Variants in VPS13B observed in about 807,000 individuals in gnomAD.
The protein encoded by VPS13B is intermembrane lipid transfer protein VPS13B.
A neutral mutation model predicts 426.4 loss-of-function variants in VPS13B; 285 were observed. The ratio of observed to expected loss-of-function variants is 0.67; its 90% CI spans 0.61 to 0.74. The LOEUF is 0.74. Ranked by LOEUF, VPS13B falls within the 30% of genes least tolerant of loss-of-function variation. The pLI is 0.00. For missense variants in VPS13B, 4,537 were observed against 4,782.6 expected, an observed-to-expected ratio of 0.95 and a Z score of 1.51; for synonymous variants, 1,676 against 1,676.4, an observed-to-expected ratio of 1.00 and a Z score of 0.01.
At chr8:99,093,370 T>C (rs879880983) in intron 3 of VPS13B, among the ~76,000 whole-genome samples, 1 of 151,618 alleles carries the variant, frequency 6.6e-6, no homozygotes, top group South Asian at 2.1e-4. Flanking sequence ...TTTTTTTAAA[T>C]TTTTTTTATT....
intron 4 of VPS13B, among the ~76,000 whole-genome samples, chr8:99,098,779 T>TC (rs1340341998): frequency 6.6e-6 from 1 of 152,158 alleles, no homozygotes; most frequent in Non-Finnish European, 1.5e-5. Flanking sequence ...AAAAAATCTC[T>TC]TAAAACTTTT....
chr8:99,215,887 C>T (rs560728671), intron 17 of VPS13B, among the ~76,000 whole-genome samples: 1 of 152,322 alleles, frequency 6.6e-6, no homozygotes, highest in East Asian at 1.9e-4. Context: ...CTTCACCAGT[C>T]AAGGTCCAGC....
In VPS13B at chr8:99,669,396, C is replaced by T. The variant is rs185036519; in HGVS notation, c.6046+7905C>T. On this transcript the variant is annotated intron_variant, in intron 35 of 61. Coordinates refer to ENST00000357162, the MANE Select transcript of VPS13B (RefSeq NM_152564.5). ...TGGTATTTTTTTCATTGTTCTTTCA[C>T]GAATTTTTGAGCCACTGTCATTGTA... Among the ~76,000 whole-genome samples the T allele has an allele frequency of 2.3e-4, 35 of 151,868 alleles. No homozygotes were observed. The East Asian group carries it at 6.2e-3, about 27-fold the overall frequency.
At chr8:99,590,007 A>G (rs1826529815) in intron 33 of VPS13B, among the ~76,000 whole-genome samples, 2 of 152,124 alleles carry the variant, frequency 1.3e-5, no homozygotes, top group African/African-American at 4.8e-5. Context: ...TACTGCCTCA[A>G]TTTCAGAGCC....
intron 2 of VPS13B, among the ~76,000 whole-genome samples, chr8:99,032,239 C>T (rs1002013955): frequency 3.9e-5 from 6 of 152,120 alleles, no homozygotes; most frequent in Non-Finnish European, 8.8e-5. Context: ...CATTGTTCTC[C>T]CATAGACACT....
chr8:99,628,012 A>G (rs1365447803), intron 33 of VPS13B, among the ~76,000 whole-genome samples: 1 of 152,222 alleles, frequency 6.6e-6, no homozygotes, highest in African/African-American at 2.4e-5. Context: ...TCTGGAAACA[A>G]TGAGATCCAG....
chr8:99,355,411 T>C (rs1812127329), intron 19 of VPS13B, among the ~76,000 whole-genome samples: 1 of 152,092 alleles, frequency 6.6e-6, no homozygotes. Context: ...GCCAACATGG[T>C]GAAACCCCGT....
At chr8:99,833,936 A>G (rs1815230073) in intron 52 of VPS13B, among the ~76,000 whole-genome samples, 1 of 152,236 alleles carries the variant, frequency 6.6e-6, no homozygotes, top group African/African-American at 2.4e-5. Context: ...TTATCGAAGA[A>G]CTATACTCTT....
In VPS13B at chr8:99,507,162, C is replaced by T; in HGVS notation, c.4183C>T (p.His1395Tyr). 1 of 1,613,924 alleles carries T rather than the reference C, an allele frequency of 6.2e-7. No homozygotes were observed. Among genetic ancestry groups the T allele is most frequent in the Non-Finnish European group, 8.5e-7 (1 of 1,179,906 alleles). ...GCCAGGGGAAGGTTGGCAGTCAGGA[C>T]ATTTTGAAGGAGTATTTCTACAATG... is the stretch of plus-strand genomic sequence containing the variant. ...SRPGEGWQSG[H>Y]FEGVFLQCKE... The change falls in exon 28 of 62, where the codon CAT (histidine) becomes TAT (tyrosine). Residue 1395 changes from histidine (H) to tyrosine (Y), a missense_variant. His to Tyr is a moderately conservative substitution (Grantham distance 83). Coordinates refer to ENST00000357162, the MANE Select transcript of VPS13B (RefSeq NM_152564.5).
At position 99,784,247 on chromosome 8, in the gene VPS13B, G is replaced by A; in HGVS notation, c.7780-68G>A. On this transcript the variant is annotated intron_variant, in intron 42 of 61. Coordinates refer to ENST00000357162, the MANE Select transcript of VPS13B (RefSeq NM_152564.5). ...TCTGTGTTGTAACAATCGCCACTGG[G>A]CAGACAGCTGCCAAACATCTTACAA... 8 of 1,604,140 alleles carry A rather than the reference G, an allele frequency of 5.0e-6. No homozygotes were observed. In the South Asian group the frequency reaches 8.8e-5, roughly 18 times the overall value.
At chr8:99,814,447 C>T (rs896104675) in intron 44 of VPS13B, among the ~76,000 whole-genome samples, 1 of 152,174 alleles carries the variant, frequency 6.6e-6, no homozygotes, top group Non-Finnish European at 1.5e-5. Context: ...GATTTGCCTG[C>T]CTGGTCTCAG....
intron 30 of VPS13B, chr8:99,536,996 T>G: frequency 1.2e-5 from 4 of 342,086 alleles, no homozygotes; most frequent in South Asian, 9.5e-5. Flanking sequence ...ATCTTGTCCT[T>G]CTGGTAAACC....
In VPS13B at chr8:99,211,794, G is replaced by C. The variant is rs548603957; in HGVS notation, c.2515+18737G>C. Among the ~76,000 whole-genome samples the C allele has an allele frequency of 3.3e-5, 5 of 152,296 alleles. No homozygotes were observed. The South Asian group carries it at 8.3e-4, about 25-fold the overall frequency. On this transcript the variant is annotated intron_variant, in intron 17 of 61. Coordinates refer to ENST00000357162, the MANE Select transcript of VPS13B (RefSeq NM_152564.5). ...AAAATTACTTATGCTTTCTGTAATA[G>C]ATGTTGTTGGTTCAGTACTTTTGTT...
intron 39 of VPS13B, among the ~76,000 whole-genome samples, chr8:99,725,905 A>G (rs535144994): frequency 6.6e-6 from 1 of 152,170 alleles, no homozygotes; most frequent in African/African-American, 2.4e-5. Flanking sequence ...AAATACAGAG[A>G]TATATTAATC....
At chr8:99,350,345 G>A (rs1262171618) in intron 19 of VPS13B, among the ~76,000 whole-genome samples, 1 of 152,196 alleles carries the variant, frequency 6.6e-6, no homozygotes, top group Non-Finnish European at 1.5e-5. Flanking sequence ...GGCAATACTG[G>A]TGTTAACAGG....
At chr8:99,518,693 T>C (rs1822219027) in intron 29 of VPS13B, among the ~76,000 whole-genome samples, 1 of 152,230 alleles carries the variant, frequency 6.6e-6, no homozygotes, top group African/African-American at 2.4e-5. Flanking sequence ...AATTCTGACG[T>C]TCTTTCCTTG....
chr8:99,468,819 A>G (rs1819247530), intron 24 of VPS13B, among the ~76,000 whole-genome samples: 1 of 152,162 alleles, frequency 6.6e-6, no homozygotes, highest in Admixed American at 6.6e-5. Context: ...GTGACAATTA[A>G]CTGTATTTTT....
intron 21 of VPS13B, among the ~76,000 whole-genome samples, chr8:99,409,564 A>G (rs556407101): frequency 9.1e-4 from 138 of 152,224 alleles, no homozygotes; most frequent in African/African-American, 3.2e-3. Flanking sequence ...TAGATATGTC[A>G]AATTAAATTA....
At chr8:99,116,052 G>T (rs1413275393) in intron 7 of VPS13B, among the ~76,000 whole-genome samples, 178 bp downstream of exon 7, 5 of 152,118 alleles carry the variant, frequency 3.3e-5, no homozygotes, top group African/African-American at 1.2e-4. Flanking sequence ...TTTTGAGATG[G>T]AGACTAGCTC....
Sources: allele counts gnomAD v4.1 joint callset (sites outside exome capture counted in the v4.1 genomes callset), GRCh38; gene constraint gnomAD v4.1.1; transcripts MANE v1.5; gene names NCBI Gene and HGNC (gene_info 2026-07-23, HGNC 2026-07-21).